The following RARS2 variants were observed in gnomAD, a reference collection of about 807,000 sequenced individuals.
RARS2 encodes the protein probable arginine--tRNA ligase, mitochondrial.
RARS2 carries 67 observed loss-of-function variants against 88.5 expected under a neutral mutation model. The ratio of observed to expected loss-of-function variants is 0.76; its 90% CI spans 0.62 to 0.93. The LOEUF is 0.93. RARS2 is among the 40% of genes least tolerant of loss of function. The pLI is 0.00. For synonymous variants in RARS2, 239 were observed against 230.3 expected, an observed-to-expected ratio of 1.04 and a Z score of -0.34; for missense variants, 664 against 684.2, an observed-to-expected ratio of 0.97 and a Z score of 0.33.
chr6:87,530,654 G>C, intron 9 of RARS2, 130 bp downstream of exon 9: 3 of 1,226,894 alleles, frequency 2.4e-6, no homozygotes, highest in Non-Finnish European at 3.5e-6. Flanking sequence ...AAAAAAATTT[G>C]AGTCTTAATT....
At chr6:87,571,721 T>C (rs539157325) in intron 1 of RARS2, among the ~76,000 whole-genome samples, 13 of 152,222 alleles carry the variant, frequency 8.5e-5, no homozygotes, top group Admixed American at 3.9e-4. Context: ...TCTTGATTAA[T>C]AACAACATAT....
Position 87,519,564 on chromosome 6 carries a change from A to G in RARS2, c.1237+19T>C, listed in dbSNP as rs762554106. On this transcript the variant is annotated intron_variant, in intron 14 of 19. Coordinates refer to ENST00000369536, the MANE Select transcript of RARS2 (RefSeq NM_020320.5). ...GTGGCACGTAAGTTATGACTTTAAT[A>G]AGAAAAAACTGAATTCACTCTTAAT... 1.2e-6 allele frequency: 2 copies of G among 1,606,364 alleles called. No homozygotes were observed. Among genetic ancestry groups the G allele is most frequent in the South Asian group, 2.2e-5 (2 of 90,940 alleles).
At chr6:87,588,364 C>G (rs567529400) in intron 1 of RARS2, among the ~76,000 whole-genome samples, 2 of 152,046 alleles carry the variant, frequency 1.3e-5, no homozygotes, top group African/African-American at 4.8e-5. Context: ...TAGCTTTTCA[C>G]GTTTTTTATT....
At chr6:87,523,063 G>A (rs763518687) in intron 11 of RARS2, among the ~76,000 whole-genome samples, 1 of 152,170 alleles carries the variant, frequency 6.6e-6, no homozygotes, top group Non-Finnish European at 1.5e-5. Context: ...TTTTTAAAAT[G>A]TTGAGAAACA....
chr6:87,569,369 T>C (rs1768901060), intron 2 of RARS2, 148 bp downstream of exon 2: 1 of 649,300 alleles, frequency 1.5e-6, no homozygotes, highest in African/African-American at 1.8e-5. Flanking sequence ...TCAACAGGAG[T>C]AATAGGCTGA....
intron 1 of RARS2, among the ~76,000 whole-genome samples, chr6:87,576,638 C>G (rs1263193143): frequency 1.3e-5 from 2 of 152,064 alleles, no homozygotes; most frequent in Non-Finnish European, 2.9e-5. Flanking sequence ...GAGATGGGTA[C>G]TCTCGGGAAT....
At chr6:87,549,200 C>CA (rs1783588685) in intron 5 of RARS2, among the ~76,000 whole-genome samples, 1 of 151,392 alleles carries the variant, frequency 6.6e-6, no homozygotes, top group Non-Finnish European at 1.5e-5. Context: ...ACTAAAAATA[C>CA]AAAAAATTAG....
At chr6:87,551,725 A>T (rs568589681) in intron 5 of RARS2, among the ~76,000 whole-genome samples, 257 of 152,094 alleles carry the variant, frequency 1.7e-3, no homozygotes, top group Non-Finnish European at 2.9e-3. Context: ...AGTTACTAAC[A>T]GTCAGAACTG....
At chr6:87,530,102 T>C (rs546583545) in intron 9 of RARS2, among the ~76,000 whole-genome samples, 54 of 152,282 alleles carry the variant, frequency 3.5e-4, no homozygotes, top group African/African-American at 1.2e-3. Flanking sequence ...ATGTGGTTGG[T>C]GGCTACTTAA....
chr6:87,519,182 A>ATGTGTGTGTGTG lies in RARS2; in HGVS notation c.1238-292_1238-291insCACACACACACA, dbSNP rs772148859. On this transcript the variant is annotated intron_variant, in intron 14 of 19. Coordinates refer to ENST00000369536, the MANE Select transcript of RARS2 (RefSeq NM_020320.5). ...TATGTGTGTATATATATATAAATAT[A>ATGTGTGTGTGTG]TATGTGTGTGTGTGTGTGTGTGTGT... 323 of 205,234 alleles carry ATGTGTGTGTGTG rather than the reference A, an allele frequency of 1.6e-3. 1 individual carries two copies. Among genetic ancestry groups the ATGTGTGTGTGTG allele is most frequent in the African/African-American group, 4.1e-3 (101 of 24,828 alleles). 12.7% of individuals were successfully genotyped at this position (205,234 alleles called of 1,614,324 possible).
chr6:87,522,078 C>T (rs986690612), intron 11 of RARS2, among the ~76,000 whole-genome samples: 4 of 152,166 alleles, frequency 2.6e-5, no homozygotes, highest in Non-Finnish European at 4.4e-5. Flanking sequence ...CGCCTGTAAT[C>T]CCAAGCACTT....
intron 8 of RARS2, among the ~76,000 whole-genome samples, chr6:87,539,535 A>G (rs1419170303): frequency 6.6e-6 from 1 of 152,200 alleles, no homozygotes; most frequent in Admixed American, 6.5e-5. Flanking sequence ...TACCTTTCTC[A>G]GCATTTCACA....
At chr6:87,561,762 C>T (rs1322748819) in intron 4 of RARS2, among the ~76,000 whole-genome samples, 1 of 152,198 alleles carries the variant, frequency 6.6e-6, no homozygotes, top group East Asian at 1.9e-4. Flanking sequence ...CAAATTCTCA[C>T]TAAGATTCAG....
At chr6:87,553,525 T>C (rs1010920615) in intron 5 of RARS2, among the ~76,000 whole-genome samples, 4 of 152,218 alleles carry the variant, frequency 2.6e-5, no homozygotes, top group Admixed American at 6.5e-5. Flanking sequence ...TCAACTGCCA[T>C]TGCAATATGA....
chr6:87,523,408 C>CAAAG (rs1160908081), intron 11 of RARS2, among the ~76,000 whole-genome samples: 4 of 152,140 alleles, frequency 2.6e-5, no homozygotes, highest in African/African-American at 9.7e-5. Context: ...ATCCCCCACA[C>CAAAG]AAAGGTATTC....
intron 4 of RARS2, among the ~76,000 whole-genome samples, chr6:87,556,809 A>AAAAAAT (rs1554204344): frequency 9.9e-5 from 13 of 131,802 alleles, no homozygotes; most frequent in African/African-American, 3.2e-4. Context: ...AAAAAAAAAA[A>AAAAAAT]TTTTTTTTTT....
Position 87,545,719 on chromosome 6 carries a change from A to G in RARS2, c.452-20T>C, listed in dbSNP as rs1782434091. The G allele has an allele frequency of 6.2e-7, 1 of 1,609,470 alleles. No individual in the cohort carries two copies. The highest frequency in any genetic ancestry group is 2.2e-5 in the East Asian group (1 of 44,740). Reference sequence around the variant, plus strand: ...AATTTCCTAGTAATCAATAAAGTATATAGTTTCTCATTCTTGTTATCCATT... The same window carrying G: ...AATTTCCTAGTAATCAATAAAGTATGTAGTTTCTCATTCTTGTTATCCATT... On this transcript the variant is annotated intron_variant, in intron 6 of 19. Transcript: ENST00000369536.
At chr6:87,536,774 A>C (rs1357954924) in intron 8 of RARS2, among the ~76,000 whole-genome samples, 1 of 152,196 alleles carries the variant, frequency 6.6e-6, no homozygotes, top group Non-Finnish European at 1.5e-5. Flanking sequence ...AAAATATATT[A>C]GTTATTTAAC....
chr6:87,541,954 T>C lies in RARS2; in HGVS notation c.576A>G (p.Glu192=). ...GTGFQLFGYE[E]KLQSNPLQHL... ...GCTGTAGAGGATTGGACTGCAGTTTTTCCTCATAGCCAAACAGCTGGAAGC... is the reference window on the plus strand; with the variant it reads ...GCTGTAGAGGATTGGACTGCAGTTTCTCCTCATAGCCAAACAGCTGGAAGC... The change falls in exon 8 of 20, where the codon GAA becomes GAG. Residue 192 remains glutamate (E), a synonymous_variant. Coordinates refer to ENST00000369536, the MANE Select transcript of RARS2 (RefSeq NM_020320.5). 6.2e-7 allele frequency: 1 copy of C among 1,613,810 alleles called. No individual in the cohort carries two copies. The highest frequency in any genetic ancestry group is 8.5e-7 in the Non-Finnish European group (1 of 1,179,776).
Sources: gnomAD v4.1 joint callset for allele counts (sites outside exome capture counted in the v4.1 genomes callset) on GRCh38, gnomAD v4.1.1 for gene constraint, MANE v1.5 for transcripts, NCBI Gene and HGNC (gene_info 2026-07-23, HGNC 2026-07-21) for gene names.